LYPLAL1: variants seen among roughly 807,000 people sequenced by gnomAD.
The protein encoded by LYPLAL1 is lysophospholipase-like protein 1.
LYPLAL1 carries 23 observed loss-of-function variants against 19.7 expected under a neutral mutation model. The observed-to-expected ratio is 1.17, with a 90% CI of 0.84 to 1.65. LYPLAL1 has a LOEUF of 1.65. Ranked by LOEUF, LYPLAL1 falls within the 40% of genes most tolerant of loss-of-function variation. The probability of loss-of-function intolerance (pLI) is 0.00; values close to 1 mark genes in which losing one functional copy is unlikely to be tolerated. For missense variants in LYPLAL1, 355 were observed against 279.4 expected, an observed-to-expected ratio of 1.27 and a Z score of -1.93; for synonymous variants, 119 against 96.3, an observed-to-expected ratio of 1.24 and a Z score of -1.38.
the LYPLAL1 span, among the ~76,000 whole-genome samples, chr1:219,252,625 G>A: frequency 6.6e-6 from 1 of 152,170 alleles, no homozygotes; most frequent in Non-Finnish European, 1.5e-5. Flanking sequence ...TCCATCTCAG[G>A]GATGAAGCCT....
chr1:219,406,377 G>T, the LYPLAL1 span, among the ~76,000 whole-genome samples: 2 of 152,134 alleles, frequency 1.3e-5, no homozygotes, highest in African/African-American at 4.8e-5. Flanking sequence ...CTGTGGTTCA[G>T]GTGTGTATCT....
the LYPLAL1 span, among the ~76,000 whole-genome samples, chr1:219,235,086 T>A: frequency 6.6e-6 from 1 of 152,184 alleles, no homozygotes; most frequent in Non-Finnish European, 1.5e-5. Flanking sequence ...TACATTATAA[T>A]TCACTTTGAC....
At chr1:219,355,507 C>CA in the LYPLAL1 span, among the ~76,000 whole-genome samples, 147 of 151,386 alleles carry the variant, frequency 9.7e-4, 1 homozygote, top group East Asian at 3.1e-3. Context: ...CATTCTGTAT[C>CA]AAAAAAAACA....
intron 3 of LYPLAL1, among the ~76,000 whole-genome samples, chr1:219,194,087 C>A (rs998223040): frequency 3.3e-5 from 5 of 151,860 alleles, no homozygotes; most frequent in African/African-American, 1.2e-4. Flanking sequence ...TGAGAGACAA[C>A]ATGATATAAT....
the LYPLAL1 span, among the ~76,000 whole-genome samples, chr1:219,262,159 A>G: frequency 6.6e-6 from 1 of 151,932 alleles, no homozygotes; most frequent in South Asian, 2.1e-4. Flanking sequence ...TTCTGGTGTA[A>G]TTTGTATTTC....
At chr1:219,302,418 T>C in the LYPLAL1 span, among the ~76,000 whole-genome samples, 4 of 152,188 alleles carry the variant, frequency 2.6e-5, no homozygotes, top group Middle Eastern at 0.01. Context: ...ACTATTCCCC[T>C]CTCCACCCCT....
At chr1:219,248,779 C>T in the LYPLAL1 span, among the ~76,000 whole-genome samples, 3 of 152,074 alleles carry the variant, frequency 2.0e-5, no homozygotes, top group African/African-American at 7.2e-5. Context: ...ATGAATTAGA[C>T]ACCTAAAATT....
rs865870320 is a variant in LYPLAL1, at chr1:219,179,668, A to G, written c.191+422A>G. Among the ~76,000 whole-genome samples the G allele has an allele frequency of 3.9e-5, 6 of 152,234 alleles. No homozygotes were observed. In the South Asian group the frequency reaches 6.2e-4, roughly 16 times the overall value. ...AAGGGTTTTATGGCATTCTTTCCAC[A>G]TTTAAAAGGATTATCAAGAAACAAT... On this transcript the variant is annotated intron_variant, in intron 2 of 4. Coordinates refer to ENST00000366928, the MANE Select transcript of LYPLAL1 (RefSeq NM_138794.5).
chr1:219,398,945 A>G, the LYPLAL1 span, among the ~76,000 whole-genome samples: 1 of 152,314 alleles, frequency 6.6e-6, no homozygotes, highest in African/African-American at 2.4e-5. Context: ...AGGTGCTCCC[A>G]GACTGCTAGT....
At chr1:219,305,953 C>A in the LYPLAL1 span, among the ~76,000 whole-genome samples, 25 of 152,310 alleles carry the variant, frequency 1.6e-4, no homozygotes, top group African/African-American at 5.5e-4. Context: ...TCTCCCATTT[C>A]CAGATTAAAG....
the LYPLAL1 span, among the ~76,000 whole-genome samples, chr1:219,370,040 T>C: frequency 6.6e-6 from 1 of 152,148 alleles, no homozygotes; most frequent in Non-Finnish European, 1.5e-5. Flanking sequence ...TGTGGCTCCG[T>C]CCTGGGATGA....
chr1:219,231,979 A>T, the LYPLAL1 span, among the ~76,000 whole-genome samples: 1 of 152,212 alleles, frequency 6.6e-6, no homozygotes, highest in Non-Finnish European at 1.5e-5. Flanking sequence ...GTTCTCCATG[A>T]CACATGTCTT....
chr1:219,256,583 ATATTT>A, the LYPLAL1 span, among the ~76,000 whole-genome samples: 1 of 151,774 alleles, frequency 6.6e-6, no homozygotes, highest in Non-Finnish European at 1.5e-5. Flanking sequence ...TTTAGTTTTT[ATATTT>A]TATTAACTGT....
At chr1:219,301,764 TAACA>T in the LYPLAL1 span, among the ~76,000 whole-genome samples, 2 of 133,428 alleles carry the variant, frequency 1.5e-5, no homozygotes, top group African/African-American at 2.6e-5. Context: ...TATTTTTAAC[TAACA>T]GTTATTTTTA....
the LYPLAL1 span, among the ~76,000 whole-genome samples, chr1:219,339,663 C>T: frequency 2.6e-5 from 4 of 151,936 alleles, no homozygotes; most frequent in Non-Finnish European, 5.9e-5. Flanking sequence ...TGCATTTATT[C>T]CCATTTCTAG....
At chr1:219,419,594 C>CACAGAGAGAGAGAG in the LYPLAL1 span, among the ~76,000 whole-genome samples, 4 of 99,602 alleles carry the variant, frequency 4.0e-5, no homozygotes, top group African/African-American at 7.9e-5. Flanking sequence ...CACACACACA[C>CACAGAGAGAGAGAG]AGAGAGAGAG....
chr1:219,296,784 C>T, the LYPLAL1 span, among the ~76,000 whole-genome samples: 1 of 152,132 alleles, frequency 6.6e-6, no homozygotes, highest in African/African-American at 2.4e-5. Flanking sequence ...AACTTTTTGG[C>T]TCTCTTACTG....
At chr1:219,229,966 G>A in the LYPLAL1 span, among the ~76,000 whole-genome samples, 1 of 152,280 alleles carries the variant, frequency 6.6e-6, no homozygotes, top group Non-Finnish European at 1.5e-5. Flanking sequence ...ACATTTATCT[G>A]TAGGGCAATG....
intron 3 of LYPLAL1, chr1:219,198,806 C>T (rs1026912213): frequency 2.0e-5 from 3 of 152,034 alleles, no homozygotes; most frequent in Admixed American, 6.6e-5. Context: ...CAGACATTTC[C>T]TATGATATAG....
Sources: gnomAD v4.1 joint callset for allele counts (sites outside exome capture counted in the v4.1 genomes callset) on GRCh38, gnomAD v4.1.1 for gene constraint, MANE v1.5 for transcripts, NCBI Gene and HGNC (gene_info 2026-07-23, HGNC 2026-07-21) for gene names.